Variants in DLGAP2 observed in about 807,000 individuals in gnomAD.
DLGAP2 encodes DLG associated protein 2.
Under a neutral mutation model 100.3 loss-of-function variants are expected in DLGAP2, and 26 were observed. That is an observed-to-expected ratio of 0.26 (90% confidence interval 0.19 to 0.36). DLGAP2 has a LOEUF of 0.36. Among genes scored for constraint, DLGAP2 ranks in the 10% least tolerant of loss-of-function variants. The probability of loss-of-function intolerance (pLI) is 1.00; values close to 1 mark genes in which losing one functional copy is unlikely to be tolerated. For synonymous variants in DLGAP2, 886 were observed against 630.1 expected (o/e 1.41, Z -6.08); for missense variants, 1,858 against 1,453.2 (o/e 1.28, Z -4.53).
intron 2 of DLGAP2, among the ~76,000 whole-genome samples, chr8:982,883 ATTT>A (rs35686773): frequency 0.076 from 8,920 of 117,346 alleles, 382 homozygotes; most frequent in Admixed American, 0.15. Flanking sequence ...TAAAGGTAGG[ATTT>A]TTTTTTTTTT....
intron 5 of DLGAP2, among the ~76,000 whole-genome samples, chr8:1,559,327 C>A (rs1802080121): frequency 6.6e-6 from 1 of 152,178 alleles, no homozygotes; most frequent in Admixed American, 6.5e-5. Context: ...CACTAGGCCA[C>A]CCTGGGCTGA....
chr8:967,582 C>A (rs180971094), intron 2 of DLGAP2, among the ~76,000 whole-genome samples: 1 of 151,074 alleles, frequency 6.6e-6, no homozygotes, highest in Non-Finnish European at 1.5e-5. Flanking sequence ...AAAATTTTGA[C>A]ATGCATGGCT....
At chr8:1,667,895 C>G (rs1317408062) in intron 8 of DLGAP2, among the ~76,000 whole-genome samples, 3 of 151,060 alleles carry the variant, frequency 2.0e-5, no homozygotes. Context: ...TTAAATGATG[C>G]CATGCCTGTG....
At chr8:1,321,980 C>T in intron 3 of DLGAP2, among the ~76,000 whole-genome samples, 1 of 152,260 alleles carries the variant, frequency 6.6e-6, no homozygotes, top group South Asian at 2.1e-4. Context: ...AGCTTAAGCC[C>T]TGAAGCGTGC....
chr8:1,153,115 C>T (rs957001690), intron 2 of DLGAP2, among the ~76,000 whole-genome samples: 2 of 152,190 alleles, frequency 1.3e-5, no homozygotes, highest in Non-Finnish European at 2.9e-5. Context: ...CTTTGACCCA[C>T]CCTGACTTAG....
chr8:1,599,279 C>G (rs1157098591), intron 6 of DLGAP2, among the ~76,000 whole-genome samples: 4 of 152,060 alleles, frequency 2.6e-5, no homozygotes, highest in Non-Finnish European at 4.4e-5. Flanking sequence ...TGTTTTACTC[C>G]CAATTATGTG....
chr8:1,225,111 G>T (rs968564189), intron 2 of DLGAP2, among the ~76,000 whole-genome samples: 1 of 152,190 alleles, frequency 6.6e-6, no homozygotes, highest in African/African-American at 2.4e-5. Flanking sequence ...GGAAATAGGT[G>T]CCCAAACCAG....
intron 2 of DLGAP2, among the ~76,000 whole-genome samples, chr8:1,240,629 G>A (rs1406689061): frequency 4.3e-5 from 6 of 140,058 alleles, no homozygotes; most frequent in East Asian, 2.2e-4. Context: ...CGCACATAGC[G>A]TCACGTCTAG....
intron 2 of DLGAP2, among the ~76,000 whole-genome samples, chr8:952,678 A>G (rs62486422): frequency 0.026 from 3,931 of 152,282 alleles, 60 homozygotes; most frequent in Middle Eastern, 0.054. Context: ...CATATTTCAT[A>G]TTAATAAAAG....
chr8:1,068,017 T>C (rs1443234971), intron 2 of DLGAP2, among the ~76,000 whole-genome samples: 1 of 152,178 alleles, frequency 6.6e-6, no homozygotes, highest in Non-Finnish European at 1.5e-5. Flanking sequence ...CTCTATAGTT[T>C]TGCCTTTTCC....
intron 2 of DLGAP2, among the ~76,000 whole-genome samples, chr8:1,134,592 C>T (rs966748303): frequency 2.6e-5 from 4 of 152,142 alleles, no homozygotes; most frequent in African/African-American, 9.7e-5. Context: ...TAATCTAAAA[C>T]ATGATTTCAA....
At chr8:1,341,390 C>T (rs1585277264) in intron 3 of DLGAP2, among the ~76,000 whole-genome samples, 1 of 152,132 alleles carries the variant, frequency 6.6e-6, no homozygotes, top group Non-Finnish European at 1.5e-5. Context: ...TTTATTAGAT[C>T]TTACCCAGAA....
chr8:1,500,698 C>G (rs1464176917), intron 3 of DLGAP2, among the ~76,000 whole-genome samples: 2 of 152,234 alleles, frequency 1.3e-5, no homozygotes, highest in Non-Finnish European at 2.9e-5. Context: ...CTCAGTGACC[C>G]CAAGACCTTT....
intron 1 of DLGAP2, among the ~76,000 whole-genome samples, chr8:814,341 T>C (rs1018650821): frequency 9.2e-5 from 14 of 152,196 alleles, no homozygotes; most frequent in Non-Finnish European, 2.1e-4. Flanking sequence ...AACATTTCTA[T>C]TCATGTTCTG....
At chr8:1,303,499 T>C (rs991643872) in intron 3 of DLGAP2, among the ~76,000 whole-genome samples, 5 of 151,838 alleles carry the variant, frequency 3.3e-5, no homozygotes, top group Non-Finnish European at 4.4e-5. Context: ...GGAAATAAGA[T>C]CTCAGCTTCG....
intron 2 of DLGAP2, among the ~76,000 whole-genome samples, chr8:1,168,078 G>A (rs1213414847): frequency 5.6e-5 from 7 of 124,912 alleles, no homozygotes; most frequent in Non-Finnish European, 9.3e-5. Flanking sequence ...TCCCCTTCCT[G>A]TGTCCACGTG....
chr8:1,235,030 C>G (rs1285762131), intron 2 of DLGAP2, among the ~76,000 whole-genome samples: 1 of 151,956 alleles, frequency 6.6e-6, no homozygotes. Flanking sequence ...GTCTAATTCT[C>G]TCTCACATGG....
chr8:1,213,921 C>T (rs564419304), intron 2 of DLGAP2, among the ~76,000 whole-genome samples: 2 of 152,308 alleles, frequency 1.3e-5, no homozygotes, highest in African/African-American at 4.8e-5. Context: ...GGCCCAGTTC[C>T]TTTTCCACAG....
At position 1,294,395 on chromosome 8, in the gene DLGAP2, T is replaced by C. The variant is rs538291120; in HGVS notation, c.106+35512T>C. The stretch of plus-strand genomic sequence containing the variant: ...CCACGAGTGACTGGTGAGGTTGTTT[T>C]GGTGTCTCCTGTTTGAGGCATTATT... On this transcript the variant is annotated intron_variant, in intron 3 of 14. Coordinates refer to ENST00000637795, the MANE Select transcript of DLGAP2 (RefSeq NM_001346810.2). Among the ~76,000 whole-genome samples the C allele has an allele frequency of 2.6e-5, 4 of 152,340 alleles. No homozygotes were observed. In the East Asian group the frequency reaches 5.8e-4, roughly 22 times the overall value.
Sources: allele counts gnomAD v4.1 joint callset (sites outside exome capture counted in the v4.1 genomes callset), GRCh38; gene constraint gnomAD v4.1.1; transcripts MANE v1.5; gene names NCBI Gene and HGNC (gene_info 2026-07-23, HGNC 2026-07-21).